Variants in FAM167A observed in about 807,000 individuals in gnomAD.
FAM167A encodes the protein protein FAM167A.
A neutral mutation model predicts 14.9 loss-of-function variants in FAM167A; 23 were observed. The observed-to-expected ratio is 1.55, with a 90% CI of 1.11 to 2.19. The LOEUF is 2.19. Among genes scored for constraint, FAM167A ranks in the 30% most tolerant of loss-of-function variants. The pLI is 0.00. For missense variants in FAM167A, 401 were observed against 281.5 expected (o/e 1.42, Z -3.04); for synonymous variants, 174 against 117.7 (o/e 1.48, Z -3.10).
At chr8:11,456,003 G>A (rs1400859318) in intron 1 of FAM167A, among the ~76,000 whole-genome samples, 3 of 128,238 alleles carry the variant, frequency 2.3e-5, no homozygotes, top group African/African-American at 8.9e-5. Context: ...GGGTATGAGT[G>A]GGAGTGTAGG....
At chr8:11,438,413 G>A (rs748397523) in intron 2 of FAM167A, 5 of 452,898 alleles carry the variant, frequency 1.1e-5, no homozygotes, top group Non-Finnish European at 2.2e-5. Flanking sequence ...GAGATTGAAG[G>A]CCTTACTTTT....
chr8:11,445,370 C>G, intron 1 of FAM167A: 2 of 986,142 alleles, frequency 2.0e-6, no homozygotes, highest in Non-Finnish European at 2.4e-6. Context: ...TTTCTACATC[C>G]AGGTCTTACT....
Position 11,424,344 on chromosome 8 carries a change from C to G in FAM167A, c.*29G>C. The stretch of plus-strand genomic sequence containing the variant: ...ACCCCTCCAGCCCAAGCCCTCCGCT[C>G]CAGCCCCTCCGCCCAGTCTGAGGGC... On this transcript the variant is annotated 3_prime_UTR_variant, in exon 3 of 3. Coordinates refer to ENST00000284486, the MANE Select transcript of FAM167A (RefSeq NM_053279.3). 1 of 1,611,464 alleles carries G rather than the reference C, an allele frequency of 6.2e-7. No homozygotes were observed. The highest frequency in any genetic ancestry group is 8.5e-7 in the Non-Finnish European group (1 of 1,177,920).
At chr8:11,456,689 CAT>C (rs1215470506) in intron 1 of FAM167A, among the ~76,000 whole-genome samples, 32 of 151,576 alleles carry the variant, frequency 2.1e-4, no homozygotes, top group South Asian at 1.0e-3. Context: ...GAGTTAGTGA[CAT>C]GTGCAGAGCT....
upstream of FAM167A, among the ~76,000 whole-genome samples, chr8:11,469,692 C>G (rs1167181650): frequency 6.8e-6 from 1 of 147,854 alleles, no homozygotes; most frequent in South Asian, 2.1e-4. Context: ...CATGGTGAGA[C>G]CCCACTTCTA....
chr8:11,421,796 C>A lies in FAM167A; in HGVS notation c.*2577G>T. Reference sequence around the variant, plus strand: ...CAGAGAGATGGATGGATAATGAGTACAACTGCAAACAGCACTGTACACATG... The same window carrying A: ...CAGAGAGATGGATGGATAATGAGTAAAACTGCAAACAGCACTGTACACATG... On this transcript the variant is annotated 3_prime_UTR_variant, in exon 3 of 3. Coordinates refer to ENST00000284486, the MANE Select transcript of FAM167A (RefSeq NM_053279.3). 5.0e-6 allele frequency: 2 copies of A among 398,876 alleles called. No individual in the cohort carries two copies. Among genetic ancestry groups the A allele is most frequent in the Non-Finnish European group, 8.8e-6 (2 of 226,084 alleles). The allele number at this position is 398,876 out of a possible 1,614,324, so 24.7% of individuals were successfully genotyped here. A position where few individuals can be genotyped will look rare whatever the true frequency, so the allele number is the denominator to read the frequency against.
chr8:11,453,065 G>C (rs1471265204), intron 1 of FAM167A, among the ~76,000 whole-genome samples: 2 of 152,134 alleles, frequency 1.3e-5, no homozygotes, highest in East Asian at 3.9e-4. Context: ...GGACTTGGAC[G>C]CTGTCCCCTT....
At chr8:11,437,273 T>C (rs1010313354) in intron 2 of FAM167A, among the ~76,000 whole-genome samples, 9 of 152,122 alleles carry the variant, frequency 5.9e-5, no homozygotes, top group Non-Finnish European at 7.4e-5. Context: ...GAAATGGGGA[T>C]AGTAATCGTG....
Position 11,424,269 on chromosome 8 carries a change from C to T in FAM167A, c.*104G>A. The stretch of plus-strand genomic sequence containing the variant: ...CCTTGAGTCGCCAGTCCCAGGGACC[C>T]CTGCCTCCGGGAGACCCACTGGAGT... On this transcript the variant is annotated 3_prime_UTR_variant, in exon 3 of 3. Transcript: ENST00000284486. 1 of 1,504,096 alleles carries T rather than the reference C, an allele frequency of 6.6e-7. No individual in the cohort carries two copies. Among genetic ancestry groups the T allele is most frequent in the Admixed American group, 1.9e-5 (1 of 53,378 alleles). 93.2% of individuals were successfully genotyped at this position (1,504,096 alleles called of 1,614,324 possible).
intron 2 of FAM167A, chr8:11,438,486 T>G (rs1260586977): frequency 4.4e-6 from 2 of 457,390 alleles, no homozygotes; most frequent in Non-Finnish European, 8.8e-6. Flanking sequence ...CCGATTACAT[T>G]GGCAAGGGAG....
At chr8:11,449,114 A>C (rs1302359744) in intron 1 of FAM167A, among the ~76,000 whole-genome samples, 1 of 152,250 alleles carries the variant, frequency 6.6e-6, no homozygotes, top group Non-Finnish European at 1.5e-5. Context: ...GATTGCCCCC[A>C]GCACAGTCAG....
At chr8:11,428,488 T>C (rs1805342129) in intron 2 of FAM167A, among the ~76,000 whole-genome samples, 1 of 152,196 alleles carries the variant, frequency 6.6e-6, no homozygotes, top group African/African-American at 2.4e-5. Context: ...AGCTGCAGCT[T>C]CAACAGGGAT....
intron 2 of FAM167A, chr8:11,438,044 A>G (rs1467469211): frequency 2.5e-6 from 1 of 396,004 alleles, no homozygotes; most frequent in East Asian, 7.4e-5. Context: ...TCGAAGGGAA[A>G]CTTCACAAAG....
At chr8:11,469,914 A>G (rs925451259), upstream of FAM167A, among the ~76,000 whole-genome samples, 4 of 147,052 alleles carry the variant, frequency 2.7e-5, no homozygotes, top group African/African-American at 1.1e-4. Context: ...ATAAATAAAT[A>G]AATAAATAAA....
intron 1 of FAM167A, among the ~76,000 whole-genome samples, chr8:11,449,307 T>TCA (rs1806925355): frequency 6.6e-6 from 1 of 152,170 alleles, no homozygotes; most frequent in Non-Finnish European, 1.5e-5. Context: ...GAAAAGCTTG[T>TCA]CACTGCTCAC....
chr8:11,426,422 A>ATTCTG (rs1805152344), intron 2 of FAM167A, among the ~76,000 whole-genome samples: 12 of 152,302 alleles, frequency 7.9e-5, no homozygotes, highest in Admixed American at 7.8e-4. Flanking sequence ...AAACCTCTTT[A>ATTCTG]AGTATTTTAC....
In FAM167A at chr8:11,421,520, A is replaced by G; in HGVS notation, c.*2853T>C. 2.6e-6 allele frequency: 1 copy of G among 388,000 alleles called. No individual in the cohort carries two copies. Among genetic ancestry groups the G allele is most frequent in the Non-Finnish European group, 4.5e-6 (1 of 219,846 alleles). 24.0% of individuals were successfully genotyped at this position (388,000 alleles called of 1,614,324 possible). A position where few individuals can be genotyped will look rare whatever the true frequency, so the allele number is the denominator to read the frequency against. On this transcript the variant is annotated 3_prime_UTR_variant, in exon 3 of 3. Transcript: ENST00000284486. ...TCTTCTTTTGAAGTATTTTTATTTCACTTTTTCTAACAGCAATATAGAAAC... is the reference window on the plus strand; with the variant it reads ...TCTTCTTTTGAAGTATTTTTATTTCGCTTTTTCTAACAGCAATATAGAAAC...
intron 1 of FAM167A, among the ~76,000 whole-genome samples, 165 bp downstream of exon 1, chr8:11,466,461 G>T (rs975734665): frequency 6.8e-5 from 10 of 146,856 alleles, no homozygotes; most frequent in African/African-American, 2.4e-4. Flanking sequence ...CTCCCGGGGG[G>T]GCGGTAGGAG....
intron 1 of FAM167A, among the ~76,000 whole-genome samples, chr8:11,463,449 G>C (rs897066145): frequency 1.3e-5 from 2 of 152,196 alleles, no homozygotes; most frequent in African/African-American, 4.8e-5. Context: ...TGAGCCTGCT[G>C]ACCTAGGGGC....
Sources: allele counts gnomAD v4.1 joint callset (sites outside exome capture counted in the v4.1 genomes callset), GRCh38; gene constraint gnomAD v4.1.1; transcripts MANE v1.5; gene names NCBI Gene and HGNC (gene_info 2026-07-23, HGNC 2026-07-21).